Variants in HIKESHI observed in about 807,000 individuals in gnomAD.
HIKESHI encodes the protein heat shock protein nuclear import factor hikeshi.
A neutral mutation model predicts 25.7 loss-of-function variants in HIKESHI; 13 were observed. The ratio of observed to expected loss-of-function variants is 0.51; its 90% CI spans 0.33 to 0.80. The LOEUF (loss-of-function observed/expected upper bound fraction) is 0.80, where lower values mean the gene tolerates loss of function less well. Ranked by LOEUF, HIKESHI falls within the 30% of genes least tolerant of loss-of-function variation. HIKESHI has a pLI of 0.02. For synonymous variants in HIKESHI, 76 were observed against 78.7 expected, an observed-to-expected ratio of 0.97 and a Z score of 0.18; for missense variants, 174 against 229.5, an observed-to-expected ratio of 0.76 and a Z score of 1.56.
At chr11:86,312,257 A>T (rs1946854916) in intron 2 of HIKESHI, among the ~76,000 whole-genome samples, 2 of 152,166 alleles carry the variant, frequency 1.3e-5, no homozygotes, top group Admixed American at 6.6e-5. Context: ...TATTGGGTGC[A>T]TATATATTTA....
At chr11:86,319,236 A>ATTT (rs1279354045) in intron 2 of HIKESHI, among the ~76,000 whole-genome samples, 26 of 82,978 alleles carry the variant, frequency 3.1e-4, no homozygotes, top group South Asian at 1.8e-3. Flanking sequence ...ATATATATAT[A>ATTT]TATATATTTT....
intron 3 of HIKESHI, 75 bp from the exon 4 acceptor site, chr11:86,344,528 C>T: frequency 1.1e-6 from 1 of 882,716 alleles, no homozygotes; most frequent in Non-Finnish European, 1.7e-6. Context: ...AATGTGAGAA[C>T]ACTTTTAATT....
rs528324415 is a variant in HIKESHI at position 86,322,850 on chromosome 11, A to G, written c.269-14529A>G. Among the ~76,000 whole-genome samples the G allele has an allele frequency of 8.7e-4, 133 of 152,324 alleles. 5 individuals carry two copies. In the South Asian group the frequency reaches 0.027, roughly 31 times the overall value. On this transcript the variant is annotated intron_variant, in intron 2 of 4. Transcript: ENST00000278483. ...AGTGGTTCCAACATTGGTTGAAAAGACAAAATCATGAACATATTTTTCTGC... is the reference window on the plus strand; with the variant it reads ...AGTGGTTCCAACATTGGTTGAAAAGGCAAAATCATGAACATATTTTTCTGC...
intron 2 of HIKESHI, among the ~76,000 whole-genome samples, chr11:86,314,827 A>C (rs554128113): frequency 6.6e-6 from 1 of 152,332 alleles, no homozygotes; most frequent in East Asian, 1.9e-4. Context: ...CCTGATCTGC[A>C]GTGTCAACAT....
At chr11:86,326,638 C>T (rs1309690390) in intron 2 of HIKESHI, 5 of 441,322 alleles carry the variant, frequency 1.1e-5, no homozygotes, top group African/African-American at 1.0e-4. Context: ...GAGAATCTCT[C>T]TATGGAAGAT....
intron 2 of HIKESHI, among the ~76,000 whole-genome samples, chr11:86,314,351 C>T (rs1946915288): frequency 6.6e-6 from 1 of 152,080 alleles, no homozygotes; most frequent in Non-Finnish European, 1.5e-5. Context: ...TGTGGTGGCT[C>T]ACGCCTGTAA....
intron 1 of HIKESHI, among the ~76,000 whole-genome samples, chr11:86,305,434 G>T (rs1447355521): frequency 6.6e-6 from 1 of 151,356 alleles, no homozygotes; most frequent in Non-Finnish European, 1.5e-5. Context: ...TTGCACCCAG[G>T]CTGGTGCAAT....
chr11:86,318,202 G>A (rs1225319509), intron 2 of HIKESHI, among the ~76,000 whole-genome samples: 1 of 150,088 alleles, frequency 6.7e-6, no homozygotes, highest in East Asian at 2.0e-4. Context: ...TACTTGAGAG[G>A]CTGAGGCAGG....
intron 2 of HIKESHI, among the ~76,000 whole-genome samples, chr11:86,310,473 G>A (rs902064882): frequency 3.3e-5 from 5 of 152,122 alleles, no homozygotes; most frequent in African/African-American, 9.7e-5. Context: ...TGGGCTAGAC[G>A]ATGGGGTTTT....
intron 1 of HIKESHI, 60 bp downstream of exon 1, chr11:86,302,538 G>T: frequency 6.5e-7 from 1 of 1,529,734 alleles, no homozygotes; most frequent in Non-Finnish European, 8.8e-7. Flanking sequence ...GAAGCCCTAC[G>T]GCAGGGAGGG....
At chr11:86,311,491 T>C (rs1946833078) in intron 2 of HIKESHI, among the ~76,000 whole-genome samples, 1 of 152,178 alleles carries the variant, frequency 6.6e-6, no homozygotes, top group Admixed American at 6.5e-5. Context: ...ATGTATTTTG[T>C]TGATCTTTCA....
chr11:86,314,304 A>G (rs983365225), intron 2 of HIKESHI, among the ~76,000 whole-genome samples: 3 of 152,078 alleles, frequency 2.0e-5, no homozygotes, highest in African/African-American at 7.2e-5. Flanking sequence ...AGTGTTTTAT[A>G]TAGTTGGTAT....
At chr11:86,317,865 A>G (rs1372719981) in intron 2 of HIKESHI, among the ~76,000 whole-genome samples, 1 of 152,202 alleles carries the variant, frequency 6.6e-6, no homozygotes, top group Non-Finnish European at 1.5e-5. Context: ...GTGAAGAACA[A>G]TAACTACAAG....
At chr11:86,340,396 C>T (rs7117081) in intron 3 of HIKESHI, among the ~76,000 whole-genome samples, 432 of 152,324 alleles carry the variant, frequency 2.8e-3, no homozygotes, top group African/African-American at 0.01. Context: ...TATTTCTCCA[C>T]ATCCTCTCCA....
At chr11:86,324,306 T>C (rs1049083166) in intron 2 of HIKESHI, 3 of 152,246 alleles carry the variant, frequency 2.0e-5, no homozygotes, top group Non-Finnish European at 4.4e-5. Flanking sequence ...CCAATATGTT[T>C]GGCCCATTGG....
At chr11:86,311,635 C>A (rs986140273) in intron 2 of HIKESHI, among the ~76,000 whole-genome samples, 5 of 152,174 alleles carry the variant, frequency 3.3e-5, no homozygotes, top group African/African-American at 1.2e-4. Flanking sequence ...TTCTCTAGTT[C>A]TTTTAATTGT....
chr11:86,313,045 C>T (rs1386326983), intron 2 of HIKESHI, among the ~76,000 whole-genome samples: 1 of 151,924 alleles, frequency 6.6e-6, no homozygotes, highest in African/African-American at 2.4e-5. Context: ...CTTGGAGTTG[C>T]GCTTCTCGAG....
chr11:86,307,238 C>T (rs1209620265), intron 2 of HIKESHI, among the ~76,000 whole-genome samples: 11 of 62,512 alleles, frequency 1.8e-4, no homozygotes, highest in East Asian at 7.1e-4. Context: ...TAATATACAT[C>T]ATATATCAAA....
intron 2 of HIKESHI, among the ~76,000 whole-genome samples, chr11:86,309,791 C>T (rs544180118): frequency 2.0e-4 from 31 of 152,294 alleles, no homozygotes; most frequent in African/African-American, 7.5e-4. Context: ...CTACATATGG[C>T]TAGCCAGTTT....
Sources: gnomAD v4.1 joint callset for allele counts (sites outside exome capture counted in the v4.1 genomes callset) on GRCh38, gnomAD v4.1.1 for gene constraint, MANE v1.5 for transcripts, NCBI Gene and HGNC (gene_info 2026-07-23, HGNC 2026-07-21) for gene names.